CIB2: variants seen among roughly 807,000 people sequenced by gnomAD.
The protein encoded by CIB2 is calcium and integrin-binding family member 2.
CIB2 carries 19 observed loss-of-function variants against 23.1 expected under a neutral mutation model. The observed-to-expected ratio is 0.82, with a 90% CI of 0.57 to 1.21. The LOEUF is 1.21. CIB2 is among the 50% of genes most tolerant of loss of function. The pLI is 0.00. For missense variants in CIB2, 220 were observed against 241.5 expected (o/e 0.91, Z 0.59); for synonymous variants, 94 against 91.7 (o/e 1.03, Z -0.14).
intron 2 of CIB2, among the ~76,000 whole-genome samples, chr15:78,122,080 C>T (rs1018960394): frequency 6.6e-6 from 1 of 152,212 alleles, no homozygotes; most frequent in African/African-American, 2.4e-5. Context: ...GCCATGCTCC[C>T]TGTTAGTCCT....
chr15:78,111,119 C>T (rs1376336085), intron 3 of CIB2, 46 bp downstream of exon 3: 2 of 1,551,530 alleles, frequency 1.3e-6, no homozygotes, highest in East Asian at 2.2e-5. Context: ...GCTGCTGGTC[C>T]AGAGGCACAG....
chr15:78,111,073 G>T, intron 3 of CIB2, 92 bp downstream of exon 3: 1 of 1,031,594 alleles, frequency 9.7e-7, no homozygotes, highest in Non-Finnish European at 1.5e-6. Context: ...AGACACAAAG[G>T]GTGGAGCTGG....
chr15:78,107,080 A>C lies in CIB2; in HGVS notation c.347-1146T>G, dbSNP rs555045825. ...CGTCTCTACTAAAAATACAAAAAAA[A>C]AAAAATTAGCCGGGCGTGGTGGTGG... is the stretch of plus-strand genomic sequence containing the variant. On this transcript the variant is annotated intron_variant, in intron 4 of 5. Transcript: ENST00000258930. Among the ~76,000 whole-genome samples the C allele has an allele frequency of 2.6e-4, 40 of 151,980 alleles. 1 individual carries two copies. Among genetic ancestry groups the C allele is most frequent in the Admixed American group, 1.2e-3 (19 of 15,256 alleles).
At chr15:78,107,552 T>C (rs545110074) in intron 4 of CIB2, among the ~76,000 whole-genome samples, 1 of 152,130 alleles carries the variant, frequency 6.6e-6, no homozygotes, top group African/African-American at 2.4e-5. Flanking sequence ...AGCGCCAGAC[T>C]AGGAGGGCCC....
chr15:78,106,183 G>A (rs896167941), intron 4 of CIB2, among the ~76,000 whole-genome samples: 3 of 152,182 alleles, frequency 2.0e-5, no homozygotes, highest in African/African-American at 7.2e-5. Context: ...CCTGAAGCAG[G>A]TCAAAAGTCC....
intron 2 of CIB2, 43 bp downstream of exon 2, chr15:78,123,662 C>A (rs755237052): frequency 6.2e-7 from 1 of 1,611,534 alleles, no homozygotes; most frequent in Admixed American, 1.7e-5. Context: ...TCACCCCGGC[C>A]CCAGTCCCAG....
At chr15:78,116,224 C>T (rs1048269292) in intron 2 of CIB2, among the ~76,000 whole-genome samples, 6 of 151,776 alleles carry the variant, frequency 4.0e-5, no homozygotes, top group African/African-American at 1.5e-4. Context: ...TTTGGGAGGC[C>T]GAGGCGAGCC....
intron 3 of CIB2, chr15:78,110,535 G>A (rs1364128181): frequency 2.5e-6 from 1 of 405,896 alleles, no homozygotes; most frequent in African/African-American, 2.1e-5. Context: ...CCACTGCAAT[G>A]GGGAGTTGTG....
At chr15:78,111,141 G>T (rs142130860) in intron 3 of CIB2, 24 bp downstream of exon 3, 2 of 1,601,870 alleles carry the variant, frequency 1.2e-6, no homozygotes, top group African/African-American at 2.7e-5. Flanking sequence ...TCCCCTGCTC[G>T]CCAGCAAGAG....
At chr15:78,130,009 TAG>T (rs2074432583) in intron 1 of CIB2, among the ~76,000 whole-genome samples, 1 of 152,124 alleles carries the variant, frequency 6.6e-6, no homozygotes, top group Non-Finnish European at 1.5e-5. Flanking sequence ...CTAGGGCTTC[TAG>T]GAGGAGAAGG....
At chr15:78,123,121 A>C (rs532133912) in intron 2 of CIB2, among the ~76,000 whole-genome samples, 1 of 152,054 alleles carries the variant, frequency 6.6e-6, no homozygotes, top group East Asian at 1.9e-4. Flanking sequence ...CCCCATCAAC[A>C]CCAAGGAGAA....
In CIB2 at chr15:78,126,140, G is replaced by GCCC. The variant is rs55741935; in HGVS notation, c.52-2404_52-2402dup. On this transcript the variant is annotated intron_variant, in intron 1 of 5. Transcript: ENST00000258930. ...AGGCCTCTGTGCTTCCCTTTCCCCT[G>GCCC]CCCCCCCCCCTTTTTTTTTTGAGAC... Among the ~76,000 whole-genome samples, 97 of 129,830 alleles carry GCCC rather than the reference G, an allele frequency of 7.5e-4. 1 individual carries two copies. Among genetic ancestry groups the GCCC allele is most frequent in the East Asian group, 4.1e-3 (16 of 3,914 alleles). The allele number at this position is 129,830 out of a possible 152,430, so 85.2% of individuals were successfully genotyped here.
chr15:78,129,532 G>T (rs1291064878), intron 1 of CIB2, among the ~76,000 whole-genome samples: 2 of 152,030 alleles, frequency 1.3e-5, no homozygotes. Flanking sequence ...GGCAAAACCC[G>T]ACCTATCTTC....
intron 2 of CIB2, among the ~76,000 whole-genome samples, chr15:78,117,275 A>AAAAAAAAAAAAAAAAAAAAAAT (rs2074254789): frequency 7.2e-6 from 1 of 139,262 alleles, no homozygotes; most frequent in African/African-American, 2.8e-5. Context: ...AAAAAAAAAA[A>AAAAAAAAAAAAAAAAAAAAAAT]GTTTGTTTAA....
chr15:78,123,516 G>C (rs941908278), intron 2 of CIB2, among the ~76,000 whole-genome samples, 189 bp downstream of exon 2: 2 of 152,138 alleles, frequency 1.3e-5, no homozygotes, highest in Non-Finnish European at 2.9e-5. Context: ...GAGGATCTGG[G>C]CCCTGGGAGG....
chr15:78,126,447 T>C (rs1193612404), intron 1 of CIB2, among the ~76,000 whole-genome samples: 2 of 152,240 alleles, frequency 1.3e-5, no homozygotes, highest in East Asian at 3.9e-4. Context: ...CATAGCCTTC[T>C]TTTTTTCTTT....
intron 3 of CIB2, 105 bp downstream of exon 3, chr15:78,111,060 C>T (rs535456308): frequency 1.2e-4 from 109 of 926,922 alleles, no homozygotes; most frequent in East Asian, 1.0e-3. Flanking sequence ...CTCAGAGCCA[C>T]GCAGACACAA....
intron 2 of CIB2, among the ~76,000 whole-genome samples, chr15:78,113,539 T>TCTTTC (rs199677499): frequency 4.3e-5 from 6 of 140,638 alleles, no homozygotes; most frequent in African/African-American, 1.5e-4. Context: ...TTTCTTTCTT[T>TCTTTC]TTTTTTTTTG....
chr15:78,126,365 G>A (rs151312346), intron 1 of CIB2, among the ~76,000 whole-genome samples: 23 of 152,258 alleles, frequency 1.5e-4, no homozygotes, highest in Admixed American at 1.2e-3. Context: ...GGCTGGTCTC[G>A]AACTCCTGAC....
Sources: gnomAD v4.1 joint callset for allele counts (sites outside exome capture counted in the v4.1 genomes callset) on GRCh38, gnomAD v4.1.1 for gene constraint, MANE v1.5 for transcripts, NCBI Gene and HGNC (gene_info 2026-07-23, HGNC 2026-07-21) for gene names.